The following TMTC2 variants were observed in gnomAD, a reference collection of about 807,000 sequenced individuals.
The protein encoded by TMTC2 is transmembrane O-mannosyltransferase targeting cadherins 2, also known as protein O-mannosyl-transferase TMTC2.
Under a neutral mutation model 82.4 loss-of-function variants are expected in TMTC2, and 43 were observed. That is an observed-to-expected ratio of 0.52 (90% CI 0.41 to 0.67). The LOEUF (loss-of-function observed/expected upper bound fraction) is 0.67, where lower values mean the gene tolerates loss of function less well. TMTC2 is among the 30% of genes least tolerant of loss of function. The pLI is 0.00. For missense variants in TMTC2, 919 were observed against 1,012.4 expected, an observed-to-expected ratio of 0.91 and a Z score of 1.25; for synonymous variants, 408 against 381.9, an observed-to-expected ratio of 1.07 and a Z score of -0.80.
intron 11 of TMTC2, among the ~76,000 whole-genome samples, chr12:83,084,629 A>C (rs960394245): frequency 6.6e-6 from 1 of 152,234 alleles, no homozygotes; most frequent in Non-Finnish European, 1.5e-5. Flanking sequence ...ATTTTATAAG[A>C]AGAGGAAAAA....
chr12:83,016,926 T>C (rs2137396309), intron 8 of TMTC2, among the ~76,000 whole-genome samples: 1 of 152,350 alleles, frequency 6.6e-6, no homozygotes, highest in Admixed American at 6.5e-5. Flanking sequence ...GTACTTAGAA[T>C]AGCGCCTGAT....
At chr12:82,846,514 A>G (rs2137099221) in intron 1 of TMTC2, among the ~76,000 whole-genome samples, 1 of 152,182 alleles carries the variant, frequency 6.6e-6, no homozygotes, top group East Asian at 1.9e-4. Context: ...ATTTTTAATC[A>G]CAAGTTGACT....
chr12:83,125,543 G>A lies in TMTC2; in HGVS notation c.2332-6667G>A, dbSNP rs11115604. Among the ~76,000 whole-genome samples, 769 of 152,314 alleles carry A rather than the reference G, an allele frequency of 5.0e-3. 1 individual carries two copies. The highest frequency in any genetic ancestry group is 0.014 in the Middle Eastern group (4 of 294). On this transcript the variant is annotated intron_variant, in intron 11 of 11. Coordinates refer to ENST00000321196, the MANE Select transcript of TMTC2 (RefSeq NM_152588.3). ...TGAAAAGAAATTAAGTGCATAGAAA[G>A]ATACAGATTGAGTATTCCTTGTCCA...
At chr12:82,709,128 G>C (rs1053154228) in intron 1 of TMTC2, among the ~76,000 whole-genome samples, 5 of 150,030 alleles carry the variant, frequency 3.3e-5, no homozygotes, top group African/African-American at 1.2e-4. Context: ...TGTTTTTGCC[G>C]TGATCTGGAT....
intron 11 of TMTC2, among the ~76,000 whole-genome samples, chr12:83,094,848 A>G (rs1011691971): frequency 2.6e-5 from 4 of 152,220 alleles, no homozygotes; most frequent in Admixed American, 1.3e-4. Context: ...CTGATGGGAA[A>G]GAAAATGTGT....
At chr12:82,865,082 G>A (rs867253023) in intron 2 of TMTC2, among the ~76,000 whole-genome samples, 2 of 150,660 alleles carry the variant, frequency 1.3e-5, no homozygotes, top group African/African-American at 4.9e-5. Flanking sequence ...AAAATAGCTG[G>A]GCAAGGTGGA....
intron 11 of TMTC2, among the ~76,000 whole-genome samples, chr12:83,078,849 T>C (rs1883372611): frequency 6.6e-6 from 1 of 152,104 alleles, no homozygotes. Flanking sequence ...GAAGAGTAAA[T>C]AACAGGCTAA....
chr12:82,958,357 AAAAAAAAAAAAAAC>A (rs1446621270), intron 4 of TMTC2, among the ~76,000 whole-genome samples: 1 of 21,062 alleles, frequency 4.7e-5, no homozygotes, highest in Non-Finnish European at 1.0e-4. Flanking sequence ...TCTGTCTCAA[AAAAAAAAAAAAAAC>A]AAAAAAAACA....
At chr12:82,741,589 G>T (rs927823023) in intron 1 of TMTC2, among the ~76,000 whole-genome samples, 1 of 152,206 alleles carries the variant, frequency 6.6e-6, no homozygotes, top group Non-Finnish European at 1.5e-5. Flanking sequence ...GATTACAGGC[G>T]TGAGCCACCA....
At chr12:83,079,481 A>G (rs1483122473) in intron 11 of TMTC2, among the ~76,000 whole-genome samples, 1 of 152,154 alleles carries the variant, frequency 6.6e-6, no homozygotes, top group Non-Finnish European at 1.5e-5. Flanking sequence ...GAGTTCAAGT[A>G]TCATTTCCCA....
At chr12:82,756,514 T>G (rs1239013063) in intron 1 of TMTC2, among the ~76,000 whole-genome samples, 2 of 152,218 alleles carry the variant, frequency 1.3e-5, no homozygotes, top group African/African-American at 4.8e-5. Flanking sequence ...CTTCCAGATT[T>G]GGTCACAGCA....
intron 1 of TMTC2, among the ~76,000 whole-genome samples, chr12:82,832,802 T>C (rs1398876655): frequency 6.6e-6 from 1 of 152,196 alleles, no homozygotes; most frequent in East Asian, 1.9e-4. Context: ...AAATAGCTTT[T>C]TTAAAAGGAG....
intron 11 of TMTC2, among the ~76,000 whole-genome samples, chr12:83,130,449 T>G (rs1414364703): frequency 6.6e-6 from 1 of 152,196 alleles, no homozygotes; most frequent in Non-Finnish European, 1.5e-5. Flanking sequence ...CCATCTGTAT[T>G]TTTCTTGATA....
intron 9 of TMTC2, among the ~76,000 whole-genome samples, chr12:83,033,690 G>T (rs1459896005): frequency 6.6e-6 from 1 of 151,880 alleles, no homozygotes; most frequent in Non-Finnish European, 1.5e-5. Flanking sequence ...GGCAGAAGTT[G>T]CAGTGAGCCA....
chr12:82,868,204 G>A (rs1273879970), intron 2 of TMTC2, among the ~76,000 whole-genome samples: 1 of 152,096 alleles, frequency 6.6e-6, no homozygotes, highest in Non-Finnish European at 1.5e-5. Context: ...CAGTAATGGT[G>A]ATCTTTTTAT....
At chr12:82,948,466 A>T (rs760757378) in intron 4 of TMTC2, among the ~76,000 whole-genome samples, 21 of 152,338 alleles carry the variant, frequency 1.4e-4, no homozygotes, top group Admixed American at 5.9e-4. Flanking sequence ...AAGTTGAAAA[A>T]TCTATTCCAA....
chr12:83,031,565 G>A (rs1265758802), intron 9 of TMTC2, among the ~76,000 whole-genome samples: 1 of 152,116 alleles, frequency 6.6e-6, no homozygotes, highest in East Asian at 1.9e-4. Flanking sequence ...TTTCTTTTAG[G>A]GAGCCAAAAA....
At chr12:82,907,361 G>T (rs1874379959) in intron 3 of TMTC2, among the ~76,000 whole-genome samples, 1 of 151,726 alleles carries the variant, frequency 6.6e-6, no homozygotes, top group Non-Finnish European at 1.5e-5. Context: ...TACTCAGGAG[G>T]CTCAGGCAGG....
At chr12:82,762,105 T>C (rs1248273738) in intron 1 of TMTC2, among the ~76,000 whole-genome samples, 1 of 151,816 alleles carries the variant, frequency 6.6e-6, no homozygotes, top group African/African-American at 2.4e-5. Flanking sequence ...TAACTGGAAT[T>C]ACAGGCACAT....
Sources: allele counts gnomAD v4.1 joint callset (sites outside exome capture counted in the v4.1 genomes callset), GRCh38; gene constraint gnomAD v4.1.1; transcripts MANE v1.5; gene names NCBI Gene and HGNC (gene_info 2026-07-23, HGNC 2026-07-21).